SUMF1: variants seen among roughly 807,000 people sequenced by gnomAD.
The protein encoded by SUMF1 is sulfatase modifying factor 1.
In SUMF1, 48 loss-of-function variants were observed where a neutral mutation model predicts 47.6. That is an observed-to-expected ratio of 1.01 (90% confidence interval 0.80 to 1.28). The LOEUF (loss-of-function observed/expected upper bound fraction) is 1.28, where lower values mean the gene tolerates loss of function less well. SUMF1 is among the 50% of genes most tolerant of loss of function. The pLI is 0.00. For synonymous variants in SUMF1, 230 were observed against 192.1 expected (o/e 1.20, Z -1.63); for missense variants, 571 against 485.4 (o/e 1.18, Z -1.66).
intron 8 of SUMF1, among the ~76,000 whole-genome samples, chr3:4,262,447 G>C (rs942124627): frequency 6.6e-6 from 1 of 152,182 alleles, no homozygotes; most frequent in East Asian, 1.9e-4. Context: ...CAACAAAAAA[G>C]ACAATTATTG....
chr3:4,349,155 G>C (rs1699434709), intron 8 of SUMF1, among the ~76,000 whole-genome samples: 1 of 151,686 alleles, frequency 6.6e-6, no homozygotes, highest in Non-Finnish European at 1.5e-5. Context: ...ATATTTACAA[G>C]AAAAAAACAA....
At chr3:4,430,758 G>T (rs1378407966) in intron 3 of SUMF1, among the ~76,000 whole-genome samples, 2 of 152,082 alleles carry the variant, frequency 1.3e-5, no homozygotes, top group Admixed American at 6.6e-5. Flanking sequence ...ATGAGCTATG[G>T]GAGCCAAAGG....
At chr3:4,195,717 G>C (rs1574968670) in intron 8 of SUMF1, among the ~76,000 whole-genome samples, 1 of 152,124 alleles carries the variant, frequency 6.6e-6, no homozygotes, top group East Asian at 1.9e-4. Flanking sequence ...TATTTAATCA[G>C]AGACACTAGG....
intron 8 of SUMF1, among the ~76,000 whole-genome samples, chr3:4,208,514 C>A (rs1695703475): frequency 6.8e-6 from 1 of 148,062 alleles, no homozygotes; most frequent in African/African-American, 2.5e-5. Flanking sequence ...GCATCATAAC[C>A]AGAGATAGAT....
chr3:4,328,192 C>A (rs1031046948), intron 8 of SUMF1, among the ~76,000 whole-genome samples: 1 of 151,966 alleles, frequency 6.6e-6, no homozygotes, highest in Non-Finnish European at 1.5e-5. Flanking sequence ...ACATTCCAGC[C>A]TGGGTGACCA....
intron 8 of SUMF1, among the ~76,000 whole-genome samples, chr3:4,254,281 G>A (rs1201411258): frequency 3.3e-5 from 5 of 151,948 alleles, no homozygotes; most frequent in Non-Finnish European, 7.4e-5. Flanking sequence ...TTGACGAGCT[G>A]AGAGAAGAAG....
intron 8 of SUMF1, among the ~76,000 whole-genome samples, chr3:4,091,714 G>C (rs568047578): frequency 6.6e-6 from 1 of 152,174 alleles, no homozygotes; most frequent in South Asian, 2.1e-4. Context: ...TTGGCAGTGT[G>C]GCAGGACCAG....
At chr3:4,305,637 G>A (rs995990837) in intron 8 of SUMF1, among the ~76,000 whole-genome samples, 3 of 152,092 alleles carry the variant, frequency 2.0e-5, no homozygotes, top group African/African-American at 7.2e-5. Context: ...AAAATATTTT[G>A]ATTTCTTCCC....
intron 8 of SUMF1, among the ~76,000 whole-genome samples, chr3:4,217,363 A>T: frequency 6.7e-6 from 1 of 148,572 alleles, no homozygotes; most frequent in South Asian, 2.2e-4. Context: ...AGGGCCTGTC[A>T]GGGGGTGAGG....
chr3:4,116,841 T>C (rs1400339873), intron 8 of SUMF1, among the ~76,000 whole-genome samples: 1 of 152,124 alleles, frequency 6.6e-6, no homozygotes, highest in East Asian at 1.9e-4. Flanking sequence ...TTGGCAGTTA[T>C]CAAATCATGA....
chr3:4,196,490 C>T (rs1025732233), intron 8 of SUMF1, among the ~76,000 whole-genome samples: 1 of 152,108 alleles, frequency 6.6e-6, no homozygotes, highest in African/African-American at 2.4e-5. Context: ...CTCTCCGAAG[C>T]CAGCCATACT....
At chr3:4,198,030 C>CTTTT (rs11413694) in intron 8 of SUMF1, among the ~76,000 whole-genome samples, 1 of 134,564 alleles carries the variant, frequency 7.4e-6, no homozygotes, top group African/African-American at 2.7e-5. Context: ...TTGTTTTAGG[C>CTTTT]TTTTTTTTTT....
intron 8 of SUMF1, among the ~76,000 whole-genome samples, chr3:4,298,040 C>A (rs1048290878): frequency 1.4e-4 from 21 of 152,210 alleles, no homozygotes; most frequent in African/African-American, 4.3e-4. Context: ...GTATTGTTTT[C>A]TTTTTATTTT....
chr3:4,308,580 G>A (rs2125084534), intron 8 of SUMF1, among the ~76,000 whole-genome samples: 1 of 152,250 alleles, frequency 6.6e-6, no homozygotes, highest in East Asian at 1.9e-4. Context: ...TATTATCCTT[G>A]TCTTATAGCT....
intron 7 of SUMF1, among the ~76,000 whole-genome samples, chr3:4,380,380 A>G (rs913787471): frequency 3.9e-5 from 6 of 152,186 alleles, no homozygotes; most frequent in Admixed American, 1.3e-4. Context: ...TTGGATATAC[A>G]TGGAGACAAA....
chr3:4,096,973 T>C (rs1177786465), intron 8 of SUMF1, among the ~76,000 whole-genome samples: 2 of 152,048 alleles, frequency 1.3e-5, no homozygotes, highest in Non-Finnish European at 1.5e-5. Flanking sequence ...AAAAGTAACA[T>C]AGCATGGATC....
chr3:4,312,719 A>AAAAC (rs1698457432), intron 8 of SUMF1, among the ~76,000 whole-genome samples: 1 of 151,432 alleles, frequency 6.6e-6, no homozygotes, highest in African/African-American at 2.4e-5. Flanking sequence ...AAAAAAAAAA[A>AAAAC]AACTTGTTTT....
intron 8 of SUMF1, among the ~76,000 whole-genome samples, chr3:4,134,949 A>G (rs181636038): frequency 6.6e-6 from 1 of 152,290 alleles, no homozygotes; most frequent in Admixed American, 6.5e-5. Context: ...GAATAGACCA[A>G]TAACAGGCTC....
chr3:4,455,676 C>A (rs1703137130), intron 1 of SUMF1, among the ~76,000 whole-genome samples: 1 of 152,106 alleles, frequency 6.6e-6, no homozygotes, highest in Non-Finnish European at 1.5e-5. Flanking sequence ...GAGATTGCAC[C>A]ACTGTACTCC....
Sources: allele counts gnomAD v4.1 joint callset (sites outside exome capture counted in the v4.1 genomes callset), GRCh38; gene constraint gnomAD v4.1.1; transcripts MANE v1.5; gene names NCBI Gene and HGNC (gene_info 2026-07-23, HGNC 2026-07-21).